The following NPC1 variants were observed in gnomAD, a reference collection of about 807,000 sequenced individuals.
NPC1 encodes the protein NPC intracellular cholesterol transporter 1.
NPC1 carries 85 observed loss-of-function variants against 140.4 expected under a neutral mutation model. The observed-to-expected ratio is 0.61, with a 90% confidence interval of 0.51 to 0.72. The LOEUF is 0.72. NPC1 is among the 30% of genes least tolerant of loss of function. The probability of loss-of-function intolerance (pLI) is 0.00; values close to 1 mark genes in which losing one functional copy is unlikely to be tolerated. For missense variants in NPC1, 1,504 were observed against 1,623.8 expected (o/e 0.93, Z 1.27); for synonymous variants, 656 against 624.8 (o/e 1.05, Z -0.74).
intron 11 of NPC1, among the ~76,000 whole-genome samples, chr18:23,546,967 G>A (rs756846817): frequency 1.3e-5 from 2 of 152,084 alleles, no homozygotes; most frequent in Non-Finnish European, 2.9e-5. Flanking sequence ...TGAATTGTAC[G>A]CTTTTTTTTC....
At position 23,545,403 on chromosome 18, in the gene NPC1, C is replaced by T. The variant is rs538169616; in HGVS notation, c.1758-254G>A. On this transcript the variant is annotated intron_variant, in intron 11 of 24. Transcript: ENST00000269228. ...GACTCCAGGCGTGCGCCACCAGGCC[C>T]GGCTAATTTTGGTATTTTTAGTAGA... Among the ~76,000 whole-genome samples, 40 of 152,224 alleles carry T rather than the reference C, an allele frequency of 2.6e-4. 1 individual carries two copies. The highest frequency in any genetic ancestry group is 8.7e-4 in the African/African-American group (36 of 41,542).
intron 10 of NPC1, among the ~76,000 whole-genome samples, chr18:23,549,244 T>G (rs1373406168): frequency 6.6e-6 from 1 of 152,226 alleles, no homozygotes; most frequent in Non-Finnish European, 1.5e-5. Flanking sequence ...TTGCCCTGGC[T>G]GGAGTGCAGT....
chr18:23,570,331 T>C (rs940040680), intron 3 of NPC1, among the ~76,000 whole-genome samples: 3 of 152,258 alleles, frequency 2.0e-5, no homozygotes, highest in Non-Finnish European at 4.4e-5. Context: ...TATCTTTTTA[T>C]GTTTATGTCC....
At chr18:23,535,214 G>GA (rs1229345966) in intron 22 of NPC1, among the ~76,000 whole-genome samples, 2 of 152,104 alleles carry the variant, frequency 1.3e-5, no homozygotes, top group African/African-American at 2.4e-5. Context: ...TGGGACAAGA[G>GA]AAAAAATTGA....
At chr18:23,512,718 C>T (rs918186416) in intron 3 of NPC1, among the ~76,000 whole-genome samples, 2 of 151,822 alleles carry the variant, frequency 1.3e-5, no homozygotes, top group Non-Finnish European at 2.9e-5. Flanking sequence ...TGGGCATGAG[C>T]CACTGTGTGT....
intron 3 of NPC1, among the ~76,000 whole-genome samples, chr18:23,508,439 C>G (rs1328673355): frequency 6.6e-6 from 1 of 152,136 alleles, no homozygotes; most frequent in Non-Finnish European, 1.5e-5. Context: ...GTTTCCTTTC[C>G]TCAATTTGTT....
chr18:23,511,410 C>T (rs1276971544), intron 3 of NPC1, among the ~76,000 whole-genome samples: 4 of 152,284 alleles, frequency 2.6e-5, no homozygotes, highest in South Asian at 2.1e-4. Flanking sequence ...ATAATCTGTA[C>T]CACAAACCCC....
At chr18:23,552,082 G>A (rs1309175563) in intron 9 of NPC1, among the ~76,000 whole-genome samples, 2 of 152,206 alleles carry the variant, frequency 1.3e-5, no homozygotes, top group African/African-American at 4.8e-5. Flanking sequence ...GAGGACAAAA[G>A]GGTGTCTCAC....
At chr18:23,513,316 T>G (rs1170582500) in intron 3 of NPC1, among the ~76,000 whole-genome samples, 1 of 152,264 alleles carries the variant, frequency 6.6e-6, no homozygotes, top group African/African-American at 2.4e-5. Flanking sequence ...CCTTTGTGAC[T>G]GGCTTATTTC....
chr18:23,559,492 C>CTTTT (rs57612444), intron 6 of NPC1, among the ~76,000 whole-genome samples: 256 of 81,404 alleles, frequency 3.1e-3, no homozygotes, highest in Non-Finnish European at 3.6e-3. Flanking sequence ...TTGACTCTGA[C>CTTTT]TTTTTTTTTT....
chr18:23,522,080 C>G (rs888192071), downstream of NPC1, among the ~76,000 whole-genome samples: 3 of 152,342 alleles, frequency 2.0e-5, no homozygotes, highest in African/African-American at 7.2e-5. Flanking sequence ...CAGAATCGCA[C>G]TCTGGCTGAA....
chr18:23,524,817 G>T (rs921863838), downstream of NPC1, among the ~76,000 whole-genome samples: 1 of 151,758 alleles, frequency 6.6e-6, no homozygotes, highest in Admixed American at 6.6e-5. Context: ...CCTTCCCACC[G>T]GTGTCCGTGC....
chr18:23,506,910 A>G, intron 3 of NPC1: 2 of 1,172,978 alleles, frequency 1.7e-6, no homozygotes, highest in Non-Finnish European at 2.5e-6. Flanking sequence ...TGCCTTTTCA[A>G]TAAATGGTAG....
rs1188725623 is a variant in NPC1 at position 23,524,284 on chromosome 18, C to T, written c.164-1378G>A. 4.7e-6 allele frequency: 7 copies of T among 1,498,248 alleles called. No individual in the cohort carries two copies. The Admixed American group carries it at 1.2e-4, about 26-fold the overall frequency. 92.8% of individuals were successfully genotyped at this position (1,498,248 alleles called of 1,614,324 possible). On this transcript the variant is annotated intron_variant, in intron 1 of 1. Transcript: ENST00000590723. ...GCTGTGAATAACACTCCGAGAGCCA[C>T]CCCGCAGGCAGCTTCCCTGACTGTC...
chr18:23,560,291 A>G lies in NPC1; in HGVS notation c.821T>C (p.Ile274Thr). Reference protein sequence around the residue: ...GLDAMYVIMWITYMAFLLVFF... With the variant: ...GLDAMYVIMWTTYMAFLLVFF... ...CACAAGCAAAAACGCCATGTAGGTG[A>G]TCCACATGATGACATACATGGCGTC... Residue 274 changes from isoleucine (I) to threonine (T), a missense_variant, in exon 6 of 25, where the codon ATC becomes ACC. Coordinates refer to ENST00000269228, the MANE Select transcript of NPC1 (RefSeq NM_000271.5). 6.2e-7 allele frequency: 1 copy of G among 1,614,236 alleles called. No homozygotes were observed. Among genetic ancestry groups the G allele is most frequent in the Non-Finnish European group, 8.5e-7 (1 of 1,180,050 alleles).
chr18:23,521,343 C>T (rs1206871135), downstream of NPC1, among the ~76,000 whole-genome samples: 1 of 152,204 alleles, frequency 6.6e-6, no homozygotes, highest in African/African-American at 2.4e-5. Context: ...ATTGAATACA[C>T]CCGTAACGTT....
At chr18:23,570,491 A>T (rs187351284) in intron 3 of NPC1, among the ~76,000 whole-genome samples, 3 of 152,318 alleles carry the variant, frequency 2.0e-5, no homozygotes, top group Admixed American at 6.5e-5. Flanking sequence ...TGTTCTGAAA[A>T]AACAATTTAG....
downstream of NPC1, chr18:23,520,372 A>C: frequency 2.5e-5 from 34 of 1,357,454 alleles, no homozygotes; most frequent in Non-Finnish European, 3.3e-5. Context: ...CTGTGTTCTC[A>C]CCATGATCTT....
chr18:23,533,463 C>G lies in NPC1; in HGVS notation c.3646G>C (p.Ala1216Pro). The change falls in exon 24 of 25, where the codon GCC becomes CCC. Residue 1216 changes from alanine (A) to proline (P), a missense_variant. By Grantham distance (27) the Ala-to-Pro change is conservative. Transcript: ENST00000269228. ...AATATCTGGAAAATTTGAGATTTGG[C>G]AAAAGCCAACACCACAATCCCTCCA... ...KFGGIVVLAFAKSQIFQIFYF... is the reference protein window; with the variant it reads ...KFGGIVVLAFPKSQIFQIFYF... 1 of 1,614,196 alleles carries G rather than the reference C, an allele frequency of 6.2e-7. No individual in the cohort carries two copies. Among genetic ancestry groups the G allele is most frequent in the Non-Finnish European group, 8.5e-7 (1 of 1,180,032 alleles).
Sources: allele counts gnomAD v4.1 joint callset (sites outside exome capture counted in the v4.1 genomes callset), GRCh38; gene constraint gnomAD v4.1.1; transcripts MANE v1.5; gene names NCBI Gene and HGNC (gene_info 2026-07-23, HGNC 2026-07-21).